Variants in HUS1 observed in about 807,000 individuals in gnomAD.
HUS1 encodes the protein checkpoint protein HUS1.
In HUS1, 31 loss-of-function variants were observed where a neutral mutation model predicts 32.6. The observed-to-expected ratio is 0.95, with a 90% confidence interval of 0.72 to 1.28. The LOEUF is 1.28. HUS1 is among the 50% of genes most tolerant of loss of function. The probability of loss-of-function intolerance (pLI) is 0.00; values close to 1 mark genes in which losing one functional copy is unlikely to be tolerated. For synonymous variants in HUS1, 123 were observed against 116.6 expected (o/e 1.06, Z -0.36); for missense variants, 340 against 337.7 (o/e 1.01, Z -0.05).
intron 5 of HUS1, among the ~76,000 whole-genome samples, chr7:47,975,236 T>C (rs1183731924): frequency 2.7e-5 from 4 of 148,312 alleles, no homozygotes; most frequent in African/African-American, 1.0e-4. Flanking sequence ...GAGAATGGCA[T>C]GAACCCGGGA....
intron 5 of HUS1, among the ~76,000 whole-genome samples, chr7:47,973,042 T>C (rs1788630422): frequency 6.6e-6 from 1 of 152,140 alleles, no homozygotes; most frequent in South Asian, 2.1e-4. Flanking sequence ...TCTCATGAGA[T>C]CTGATGGTTT....
At chr7:47,971,316 C>T (rs777011157) in intron 5 of HUS1, 16 of 339,540 alleles carry the variant, frequency 4.7e-5, no homozygotes, top group African/African-American at 6.5e-5. Flanking sequence ...GTTGGGTTAC[C>T]AGGACTGAGG....
intron 6 of HUS1, chr7:47,969,006 A>T: frequency 2.0e-6 from 1 of 509,266 alleles, no homozygotes; most frequent in South Asian, 2.4e-5. Context: ...CAGATCTGTC[A>T]GCTACTTGGT....
rs150551899 is a variant in HUS1 at position 47,975,628 on chromosome 7, G to A, written c.525C>T (p.Asn175=). ...TMKSVVEKMK[N]ISNHLVIEAN... ...TGTGACTTACAAGGTGATTGCTGAT[G>A]TTTTTCATTTTTTCCACAACACTCT... Residue 175 remains asparagine, a synonymous_variant, in exon 5 of 8, where the codon AAC becomes AAT. Coordinates refer to ENST00000258774, the MANE Select transcript of HUS1 (RefSeq NM_004507.4). 5.0e-4 allele frequency: 797 copies of A among 1,603,072 alleles called. No individual in the cohort carries two copies. The highest frequency in any genetic ancestry group is 6.1e-4 in the Non-Finnish European group (709 of 1,170,626).
chr7:47,979,513 A>G lies in HUS1; in HGVS notation c.7T>C (p.Phe3Leu). ...GCCCCGTCCACGATCTTGGCCCGAAACTTCATGGCCGCGGATGGCGCAGCC... is the reference window on the plus strand; with the variant it reads ...GCCCCGTCCACGATCTTGGCCCGAAGCTTCATGGCCGCGGATGGCGCAGCC... MK[F>L]RAKIVDGACL... The change falls in exon 1 of 8, where the codon TTT becomes CTT. Residue 3 changes from phenylalanine to leucine, a missense_variant. Coordinates refer to ENST00000258774, the MANE Select transcript of HUS1 (RefSeq NM_004507.4). The G allele has an allele frequency of 6.2e-7, 1 of 1,611,684 alleles. No individual in the cohort carries two copies. Among genetic ancestry groups the G allele is most frequent in the Non-Finnish European group, 8.5e-7 (1 of 1,179,798 alleles).
chr7:47,968,319 A>T (rs995843583), intron 6 of HUS1, among the ~76,000 whole-genome samples: 2 of 152,214 alleles, frequency 1.3e-5, no homozygotes, highest in South Asian at 4.1e-4. Flanking sequence ...AGTACCAAAG[A>T]TAAGTCCCAC....
intron 5 of HUS1, among the ~76,000 whole-genome samples, chr7:47,972,842 C>G (rs890791872): frequency 4.6e-5 from 7 of 152,196 alleles, no homozygotes; most frequent in Admixed American, 1.3e-4. Flanking sequence ...GGTGACCCTG[C>G]AGAGCCGTTT....
intron 4 of HUS1, 144 bp downstream of exon 4, chr7:47,976,586 T>G (rs3176524): frequency 1.5e-6 from 1 of 662,698 alleles, no homozygotes; most frequent in East Asian, 2.7e-5. Flanking sequence ...ATGCTTTATG[T>G]AAATAACAAA....
rs779010708 is a variant in HUS1, at chr7:47,978,600, G to C, written c.181-7C>G. 1 of 1,612,094 alleles carries C rather than the reference G, an allele frequency of 6.2e-7. No homozygotes were observed. The highest frequency in any genetic ancestry group is 1.7e-5 in the Admixed American group (1 of 59,758). ...ATTCGTTGAAGAAGTTCTCCTAAGG[G>C]AAAAAAAATGAGGGATGAGGGAGGG... On this transcript the variant is annotated splice_region_variant and splice_polypyrimidine_tract_variant and intron_variant, in intron 2 of 7. Transcript: ENST00000258774.
rs1788423388 is a variant in HUS1 at position 47,963,950 on chromosome 7, C to G, written c.*1406G>C. The G allele has an allele frequency of 6.6e-6, 1 of 151,810 alleles. No homozygotes were observed. Among genetic ancestry groups the G allele is most frequent in the African/African-American group, 2.4e-5 (1 of 41,336 alleles). 9.4% of individuals were successfully genotyped at this position (151,810 alleles called of 1,614,324 possible). On this transcript the variant is annotated 3_prime_UTR_variant, in exon 8 of 8. Coordinates refer to ENST00000258774, the MANE Select transcript of HUS1 (RefSeq NM_004507.4). ...CAAACAAAAAACCATTACTAAACATCAAAAGAATCATTCAAATACACTGGT... is the reference window on the plus strand; with the variant it reads ...CAAACAAAAAACCATTACTAAACATGAAAAGAATCATTCAAATACACTGGT...
At chr7:47,970,335 G>A (rs3176569) in intron 5 of HUS1, among the ~76,000 whole-genome samples, 3 of 150,902 alleles carry the variant, frequency 2.0e-5, no homozygotes, top group Admixed American at 6.6e-5. Context: ...TGACCAGAGA[G>A]CACGCACATA....
At chr7:47,971,591 T>A (rs567479158) in intron 5 of HUS1, 1 of 455,800 alleles carries the variant, frequency 2.2e-6, no homozygotes, top group Admixed American at 2.4e-5. Context: ...GCACCTACAA[T>A]GAAATTTCCT....
intron 3 of HUS1, 128 bp downstream of exon 3, chr7:47,978,289 C>T: frequency 1.3e-6 from 1 of 787,760 alleles, no homozygotes; most frequent in Non-Finnish European, 2.0e-6. Flanking sequence ...TAGTTATGGA[C>T]CAGATCTTTA....
chr7:47,966,266 C>T (rs758804813), intron 7 of HUS1, among the ~76,000 whole-genome samples: 8 of 152,100 alleles, frequency 5.3e-5, no homozygotes, highest in Non-Finnish European at 1.2e-4. Context: ...AGAAAAGGGG[C>T]TTTGGGAAGT....
intron 6 of HUS1, among the ~76,000 whole-genome samples, chr7:47,968,500 G>C (rs562033836): frequency 4.3e-4 from 65 of 152,300 alleles, no homozygotes; most frequent in African/African-American, 1.5e-3. Context: ...TATTCAAGCA[G>C]ACTCGTAGTA....
chr7:47,975,572 C>A, intron 5 of HUS1, 41 bp downstream of exon 5: 1 of 1,371,442 alleles, frequency 7.3e-7, no homozygotes. Flanking sequence ...GCCGTCCCAC[C>A]AAATACTTCA....
intron 5 of HUS1, 43 bp from the exon 6 acceptor site, chr7:47,969,361 A>C: frequency 8.7e-7 from 1 of 1,150,872 alleles, no homozygotes; most frequent in South Asian, 1.3e-5. Flanking sequence ...AAGGAAGCCA[A>C]AAGGAAAAAA....
chr7:47,971,767 C>T (rs1214254080), intron 5 of HUS1, among the ~76,000 whole-genome samples: 1 of 152,162 alleles, frequency 6.6e-6, no homozygotes, highest in African/African-American at 2.4e-5. Flanking sequence ...AGGGCCATTC[C>T]ATCCTCACAG....
At chr7:47,972,000 A>T (rs1303294795) in intron 5 of HUS1, among the ~76,000 whole-genome samples, 1 of 152,246 alleles carries the variant, frequency 6.6e-6, no homozygotes. Context: ...CCTGTTGTAT[A>T]ATCTACTTTG....
Sources: allele counts gnomAD v4.1 joint callset (sites outside exome capture counted in the v4.1 genomes callset), GRCh38; gene constraint gnomAD v4.1.1; transcripts MANE v1.5; gene names NCBI Gene and HGNC (gene_info 2026-07-23, HGNC 2026-07-21).